VAX2: variants seen among roughly 807,000 people sequenced by gnomAD.
VAX2 encodes the protein ventral anterior homeobox 2.
Under a neutral mutation model 12.5 loss-of-function variants are expected in VAX2, and 8 were observed. The ratio of observed to expected loss-of-function variants is 0.64; its 90% CI spans 0.37 to 1.15. The LOEUF (loss-of-function observed/expected upper bound fraction) is 1.15, where lower values mean the gene tolerates loss of function less well. Ranked by LOEUF, VAX2 falls within the 50% of genes most tolerant of loss-of-function variation. VAX2 has a pLI of 0.01. For missense variants in VAX2, 476 were observed against 412.9 expected, an observed-to-expected ratio of 1.15 and a Z score of -1.32; for synonymous variants, 183 against 187.6, an observed-to-expected ratio of 0.98 and a Z score of 0.20.
At chr2:70,915,594 C>T (rs1326445275) in intron 1 of VAX2, among the ~76,000 whole-genome samples, 3 of 152,184 alleles carry the variant, frequency 2.0e-5, no homozygotes, top group Admixed American at 1.3e-4. Context: ...TAAAAACATC[C>T]TCCTATATTT....
In VAX2 at chr2:70,900,664, C is replaced by A. The variant is rs2234495; in HGVS notation, c.43C>A (p.Arg15=). ...GAERDRGPAR[R]AESGGGGGRC... ...CGAGCGCGACCGGGGCCCCGCGCGC[C>A]GGGCGGAGTCTGGTGGCGGCGGTGG... The change falls in exon 1 of 3, where the codon CGG becomes AGG. Residue 15 remains arginine, a synonymous_variant. Coordinates refer to ENST00000234392, the MANE Select transcript of VAX2 (RefSeq NM_012476.3). 170,267 of 1,280,858 alleles carry A rather than the reference C, an allele frequency of 0.13. 12,322 individuals carry two copies. Among genetic ancestry groups the A allele is most frequent in the South Asian group, 0.29 (11,575 of 39,332 alleles). The allele number at this position is 1,280,858 out of a possible 1,614,324, so 79.3% of individuals were successfully genotyped here. A position where few individuals can be genotyped will look rare whatever the true frequency, so the allele number is the denominator to read the frequency against.
At chr2:70,919,230 C>CAAAA (rs571460115) in intron 1 of VAX2, among the ~76,000 whole-genome samples, 1 of 53,526 alleles carries the variant, frequency 1.9e-5, no homozygotes, top group South Asian at 5.1e-4. Context: ...TGTGTCTCCA[C>CAAAA]AAAAAAAAAA....
chr2:70,917,963 A>G (rs535908206), intron 1 of VAX2, among the ~76,000 whole-genome samples: 1 of 152,364 alleles, frequency 6.6e-6, no homozygotes, highest in African/African-American at 2.4e-5. Flanking sequence ...TTTTGCCACA[A>G]AGTTCTGAGT....
intron 1 of VAX2, among the ~76,000 whole-genome samples, chr2:70,908,311 TA>T (rs529717625): frequency 6.6e-6 from 1 of 152,314 alleles, no homozygotes; most frequent in East Asian, 1.9e-4. Flanking sequence ...CTGCACTTTT[TA>T]AAAAGTATCC....
intron 1 of VAX2, among the ~76,000 whole-genome samples, chr2:70,903,509 G>C (rs1249988580): frequency 6.6e-6 from 1 of 152,140 alleles, no homozygotes; most frequent in Non-Finnish European, 1.5e-5. Flanking sequence ...AGCAAAATTG[G>C]TTTAGATTAC....
Position 70,933,038 on chromosome 2 carries a change from C to T in VAX2, c.707C>T (p.Ser236Leu). 6.3e-7 allele frequency: 1 copy of T among 1,599,134 alleles called. No homozygotes were observed. The highest frequency in any genetic ancestry group is 8.5e-7 in the Non-Finnish European group (1 of 1,172,492). ...SPRLNPLSSASASPPLPPPLP... is the reference protein window; with the variant it reads ...SPRLNPLSSALASPPLPPPLP... Reference sequence around the variant, plus strand: ...CGCCTCAACCCGCTGTCCTCGGCCTCAGCGTCCCCCCCACTGCCGCCCCCT... The same window carrying T: ...CGCCTCAACCCGCTGTCCTCGGCCTTAGCGTCCCCCCCACTGCCGCCCCCT... Residue 236 changes from serine to leucine, a missense_variant, in exon 3 of 3, where the codon TCA becomes TTA. Coordinates refer to ENST00000234392, the MANE Select transcript of VAX2 (RefSeq NM_012476.3).
At chr2:70,912,496 T>C (rs1679209785) in intron 1 of VAX2, among the ~76,000 whole-genome samples, 1 of 152,050 alleles carries the variant, frequency 6.6e-6, no homozygotes. Flanking sequence ...ACCCCGTCCC[T>C]ACTAAAAATA....
At chr2:70,924,799 A>G (rs574548066) in intron 2 of VAX2, among the ~76,000 whole-genome samples, 2 of 152,342 alleles carry the variant, frequency 1.3e-5, no homozygotes, top group South Asian at 2.1e-4. Flanking sequence ...AGAACAAAAC[A>G]GACCAGGCAT....
At position 70,904,553 on chromosome 2, in the gene VAX2, C is replaced by G. The variant is rs2104756785; in HGVS notation, c.247+3685C>G. Among the ~76,000 whole-genome samples, 1 of 152,364 alleles carries G rather than the reference C, an allele frequency of 6.6e-6. No individual in the cohort carries two copies. The highest frequency in any genetic ancestry group is 6.5e-5 in the Admixed American group (1 of 15,306). ...AATGCGTGGCGTCCGTTCCTGCTCA[C>G]CCAAAGCGGCCTCTCTGGGCTGACA... On this transcript the variant is annotated intron_variant, in intron 1 of 2. Coordinates refer to ENST00000234392, the MANE Select transcript of VAX2 (RefSeq NM_012476.3). The surrounding 1 kb of genome is among the most constrained non-coding windows in gnomAD (Gnocchi z 4.2).
chr2:70,909,260 G>A (rs1489034338), intron 1 of VAX2, among the ~76,000 whole-genome samples: 3 of 152,046 alleles, frequency 2.0e-5, no homozygotes, highest in African/African-American at 7.2e-5. Context: ...TGAACTCCTG[G>A]CCTCAAGCAG....
rs1355993207 is a variant in VAX2 at position 70,911,681 on chromosome 2, G to A, written c.248-9417G>A. On this transcript the variant is annotated intron_variant, in intron 1 of 2. Transcript: ENST00000234392. ...TTGCTGTTATAACTTTCATTTTTCT[G>A]ATTCCTCTAGCCCGAGTATTTTTTC... Among the ~76,000 whole-genome samples, 4 of 152,098 alleles carry A rather than the reference G, an allele frequency of 2.6e-5. No individual in the cohort carries two copies. The East Asian group carries it at 7.7e-4, about 29-fold the overall frequency.
intron 1 of VAX2, among the ~76,000 whole-genome samples, chr2:70,919,944 G>C (rs782308037): frequency 2.2e-4 from 33 of 152,230 alleles, no homozygotes; most frequent in Non-Finnish European, 3.8e-4. Context: ...GTCAGCCTTT[G>C]TTACGGCTGG....
chr2:70,930,859 T>A (rs1553414215), intron 2 of VAX2, among the ~76,000 whole-genome samples: 2 of 151,986 alleles, frequency 1.3e-5, no homozygotes, highest in African/African-American at 4.8e-5. Context: ...GGCCCTCCCC[T>A]CCACGGTTCT....
At position 70,907,542 on chromosome 2, in the gene VAX2, T is replaced by C. The variant is rs782624809; in HGVS notation, c.247+6674T>C. Reference sequence around the variant, plus strand: ...TTTCTTTAGCGTCTTGCTGGAGACATTGACTTTCAGAGCCCCTGTCCCGCC... The same window carrying C: ...TTTCTTTAGCGTCTTGCTGGAGACACTGACTTTCAGAGCCCCTGTCCCGCC... On this transcript the variant is annotated intron_variant, in intron 1 of 2. Transcript: ENST00000234392. Among the ~76,000 whole-genome samples the C allele has an allele frequency of 1.4e-3, 219 of 152,218 alleles. 7 individuals are homozygous for C. Among genetic ancestry groups the C allele is most frequent in the Non-Finnish European group, 4.4e-4 (30 of 68,034 alleles).
At chr2:70,909,317 C>T (rs1679132645) in intron 1 of VAX2, among the ~76,000 whole-genome samples, 1 of 152,140 alleles carries the variant, frequency 6.6e-6, no homozygotes, top group Admixed American at 6.5e-5. Context: ...AGGCACTCCC[C>T]ACAATGCTGG....
chr2:70,920,847 A>G (rs1332223548), intron 1 of VAX2, among the ~76,000 whole-genome samples: 2 of 152,114 alleles, frequency 1.3e-5, no homozygotes, highest in East Asian at 1.9e-4. Flanking sequence ...TTCCCAGACC[A>G]CATTGGTAGA....
chr2:70,931,594 G>T (rs113322782), intron 2 of VAX2, among the ~76,000 whole-genome samples: 5 of 152,230 alleles, frequency 3.3e-5, no homozygotes, highest in Non-Finnish European at 7.3e-5. Context: ...CAAAGCCAAG[G>T]GGTCTCGCCT....
intron 1 of VAX2, among the ~76,000 whole-genome samples, chr2:70,906,657 G>C (rs1679069031): frequency 6.7e-6 from 1 of 149,326 alleles, no homozygotes; most frequent in Admixed American, 6.7e-5. Flanking sequence ...ACCTCCCAAA[G>C]TGCTGGATTA....
chr2:70,916,957 C>T (rs1679318444), intron 1 of VAX2, among the ~76,000 whole-genome samples: 1 of 152,012 alleles, frequency 6.6e-6, no homozygotes, highest in Non-Finnish European at 1.5e-5. Context: ...TCGAGACCAG[C>T]CTGGCCAACA....
Sources: gnomAD v4.1 joint callset for allele counts (sites outside exome capture counted in the v4.1 genomes callset) on GRCh38, gnomAD v4.1.1 for gene constraint, Gnocchi (gnomAD v3.1) non-coding constraint, MANE v1.5 for transcripts, NCBI Gene and HGNC (gene_info 2026-07-23, HGNC 2026-07-21) for gene names.